TREM1: variants seen among roughly 807,000 people sequenced by gnomAD.
The protein encoded by TREM1 is triggering receptor expressed on monocytes 1.
A neutral mutation model predicts 22.4 loss-of-function variants in TREM1; 16 were observed. The observed-to-expected ratio is 0.71, with a 90% CI of 0.48 to 1.08. The LOEUF is 1.08. Among genes scored for constraint, TREM1 ranks in the 50% least tolerant of loss-of-function variants. The pLI is 0.00. For synonymous variants in TREM1, 110 were observed against 111.6 expected (o/e 0.99, Z 0.09); for missense variants, 283 against 282.9 (o/e 1.00, Z 0.00).
chr6:41,277,405 C>T, intron 3 of TREM1, among the ~76,000 whole-genome samples: 1 of 152,122 alleles, frequency 6.6e-6, no homozygotes. Context: ...GGCAGGGAGC[C>T]AGCATCTCTC....
intron 3 of TREM1, chr6:41,279,526 T>C: frequency 1.0e-6 from 1 of 982,650 alleles, no homozygotes; most frequent in Non-Finnish European, 1.2e-6. Context: ...AAAAAAAAAA[T>C]TGACTCTTAG....
intron 3 of TREM1, among the ~76,000 whole-genome samples, chr6:41,277,347 G>A (rs962068347): frequency 1.3e-5 from 2 of 151,886 alleles, no homozygotes; most frequent in African/African-American, 4.8e-5. Context: ...GTGGGGGACA[G>A]GGGGCAGAGA....
Position 41,279,155 on chromosome 6 carries a change from C to T in TREM1, c.599+1806G>A, listed in dbSNP as rs146147776. ...CCAAGCAGAGACGACCATCCCTTTA[C>T]CCACAGAGGGCGCCAATTCACCTTA... is the stretch of plus-strand genomic sequence containing the variant. On this transcript the variant is annotated intron_variant, in intron 3 of 3. Transcript: ENST00000244709. Among the ~76,000 whole-genome samples, 1,307 of 152,330 alleles carry T rather than the reference C, an allele frequency of 8.6e-3. 14 individuals are homozygous for T. Among genetic ancestry groups the T allele is most frequent in the South Asian group, 0.022 (105 of 4,828 alleles).
downstream of TREM1, among the ~76,000 whole-genome samples, chr6:41,271,463 G>A (rs752362074): frequency 1.4e-4 from 22 of 152,140 alleles, no homozygotes; most frequent in Non-Finnish European, 3.1e-4. Flanking sequence ...ATTCCCTTCT[G>A]TGCCCTGCTA....
exon 4 of TREM1, chr6:41,268,001 A>T (rs1767375573): frequency 2.5e-6 from 1 of 398,560 alleles, no homozygotes; most frequent in Non-Finnish European, 4.4e-6. Context: ...AGAAGAACTG[A>T]CTTATCCGAA....
chr6:41,281,232 A>C, intron 2 of TREM1, 79 bp from the exon 3 acceptor site: 1 of 1,481,912 alleles, frequency 6.7e-7, no homozygotes, highest in Non-Finnish European at 9.2e-7. Context: ...GGATGTATGG[A>C]TGTATGGATG....
chr6:41,273,101 C>T (rs781278114), downstream of TREM1, among the ~76,000 whole-genome samples: 73 of 152,280 alleles, frequency 4.8e-4, no homozygotes, highest in Middle Eastern at 0.017. Flanking sequence ...CCCAGATCTG[C>T]GGATGAGGCT....
In TREM1 at chr6:41,274,528, C is replaced by T. The variant is rs1767588803; in HGVS notation, c.*1597G>A. Among the ~76,000 whole-genome samples the T allele has an allele frequency of 6.6e-6, 1 of 152,052 alleles. No individual in the cohort carries two copies. The highest frequency in any genetic ancestry group is 2.4e-5 in the African/African-American group (1 of 41,376). On this transcript the variant is annotated 3_prime_UTR_variant, in exon 4 of 4. Coordinates refer to ENST00000244709, the MANE Select transcript of TREM1 (RefSeq NM_018643.5). Reference sequence around the variant, plus strand: ...AACACTGCATCCTGTACAGTCACTGCCTCTGAGCTGCTTGGTTCTTTTAGG... The same window carrying T: ...AACACTGCATCCTGTACAGTCACTGTCTCTGAGCTGCTTGGTTCTTTTAGG...
chr6:41,282,112 T>C, intron 2 of TREM1: 1 of 356,234 alleles, frequency 2.8e-6, no homozygotes, highest in South Asian at 5.2e-5. Flanking sequence ...AGGACATGAC[T>C]TCTAAGTGGA....
At chr6:41,283,464 C>A (rs1294381150) in intron 1 of TREM1, among the ~76,000 whole-genome samples, 1 of 152,114 alleles carries the variant, frequency 6.6e-6, no homozygotes, top group African/African-American at 2.4e-5. Flanking sequence ...TAATCCCACA[C>A]TTTGGGAGGA....
At chr6:41,281,197 T>A in intron 2 of TREM1, 44 bp from the exon 3 acceptor site, 1 of 1,594,572 alleles carries the variant, frequency 6.3e-7, no homozygotes, top group Non-Finnish European at 8.6e-7. Context: ...AGATGGATGA[T>A]GAATGGGTGG....
downstream of TREM1, among the ~76,000 whole-genome samples, chr6:41,270,911 G>T (rs1767464197): frequency 6.6e-6 from 1 of 152,142 alleles, no homozygotes; most frequent in Non-Finnish European, 1.5e-5. Flanking sequence ...TCACTATGTT[G>T]CCCAGACTGG....
At position 41,282,670 on chromosome 6, in the gene TREM1, G is replaced by T; in HGVS notation, c.131C>A (p.Thr44Lys). Residue 44 changes from threonine (T) to lysine (K), a missense_variant, in exon 2 of 4, where the codon ACG becomes AAG. Thr to Lys is a moderately conservative substitution (Grantham distance 78). Transcript: ENST00000244709. ...CTGGCTGCTGGCAAACTTCTCTAGC[G>T]TGTAGTCACATTTCACATCCAGGGT... ...GQTLDVKCDY[T>K]LEKFASSQKA... 1 of 1,614,108 alleles carries T rather than the reference G, an allele frequency of 6.2e-7. No individual in the cohort carries two copies. Among genetic ancestry groups the T allele is most frequent in the Non-Finnish European group, 8.5e-7 (1 of 1,180,010 alleles).
rs915151385 is a variant in TREM1 at position 41,276,146 on chromosome 6, C to T, written c.684G>A (p.Thr228=). 27 of 1,614,078 alleles carry T rather than the reference C, an allele frequency of 1.7e-5. No homozygotes were observed. The highest frequency in any genetic ancestry group is 4.0e-5 in the African/African-American group (3 of 75,016). ...GGGCCTAGGGTACAAATGACCTCAG[C>T]GTGACAGCAAACAGGACAGAGAAGA... The part of the protein sequence containing the change: ...SLVFSVLFAV[T]LRSFVP Residue 228 remains threonine, a synonymous_variant, in exon 4 of 4, where the codon ACG becomes ACA. Transcript: ENST00000244709.
chr6:41,281,220 A>G, intron 2 of TREM1, 67 bp from the exon 3 acceptor site: 1 of 1,466,168 alleles, frequency 6.8e-7, no homozygotes, highest in Non-Finnish European at 9.3e-7. Flanking sequence ...GGGTGGGTGA[A>G]TGGATGTATG....
chr6:41,279,645 C>T (rs982225283), intron 3 of TREM1: 1 of 985,312 alleles, frequency 1.0e-6, no homozygotes, highest in South Asian at 4.7e-5. Flanking sequence ...GTGGAGTCTA[C>T]ACTCATAGAG....
At chr6:41,284,516 C>G (rs774540116) in intron 1 of TREM1, among the ~76,000 whole-genome samples, 1 of 152,186 alleles carries the variant, frequency 6.6e-6, no homozygotes, top group African/African-American at 2.4e-5. Context: ...GCTGGACACA[C>G]AGGGCTCTCT....
downstream of TREM1, among the ~76,000 whole-genome samples, chr6:41,269,182 C>G (rs1222017520): frequency 2.0e-5 from 3 of 152,168 alleles, no homozygotes; most frequent in Non-Finnish European, 4.4e-5. Flanking sequence ...CTGAGCTCCA[C>G]CATCCCAGTT....
At chr6:41,271,846 A>T (rs1767486684), downstream of TREM1, among the ~76,000 whole-genome samples, 1 of 152,104 alleles carries the variant, frequency 6.6e-6, no homozygotes, top group African/African-American at 2.4e-5. Context: ...AACTCCCATT[A>T]GTGGGCACTT....
Sources: gnomAD v4.1 joint callset for allele counts (sites outside exome capture counted in the v4.1 genomes callset) on GRCh38, gnomAD v4.1.1 for gene constraint, MANE v1.5 for transcripts, NCBI Gene and HGNC (gene_info 2026-07-23, HGNC 2026-07-21) for gene names.